Variants in ZNF804B observed in about 807,000 individuals in gnomAD.
The protein encoded by ZNF804B is zinc finger protein 804B, also known as zinc finger 804B.
Under a neutral mutation model 101.4 loss-of-function variants are expected in ZNF804B, and 80 were observed. The observed-to-expected ratio is 0.79, with a 90% CI of 0.66 to 0.95. The LOEUF (loss-of-function observed/expected upper bound fraction) is 0.95. Among genes scored for constraint, ZNF804B ranks in the 40% least tolerant of loss-of-function variants. The pLI is 0.00. For missense variants in ZNF804B, 1,673 were observed against 1,561.9 expected (o/e 1.07, Z -1.20); for synonymous variants, 622 against 558.8 (o/e 1.11, Z -1.59).
intron 1 of ZNF804B, among the ~76,000 whole-genome samples, chr7:89,030,607 C>CT (rs1160891089): frequency 2.0e-5 from 3 of 152,076 alleles, no homozygotes; most frequent in African/African-American, 7.2e-5. Flanking sequence ...AATATCTTAA[C>CT]TTTTTTTGGT....
chr7:88,806,118 A>G (rs1031333049), intron 1 of ZNF804B, among the ~76,000 whole-genome samples: 4 of 152,128 alleles, frequency 2.6e-5, no homozygotes, highest in African/African-American at 9.7e-5. Context: ...TAAATTTTAA[A>G]TTGGCTATAT....
intron 1 of ZNF804B, among the ~76,000 whole-genome samples, chr7:88,964,411 A>G (rs967666689): frequency 6.6e-6 from 1 of 151,538 alleles, no homozygotes; most frequent in Non-Finnish European, 1.5e-5. Context: ...CGCTAAGTGA[A>G]GTAAGCTGCA....
intron 1 of ZNF804B, among the ~76,000 whole-genome samples, chr7:89,104,943 A>T (rs1272860220): frequency 6.6e-6 from 1 of 152,166 alleles, no homozygotes; most frequent in African/African-American, 2.4e-5. Context: ...ACTGTGCAGC[A>T]TAAAAAACTA....
At chr7:89,116,315 G>A (rs1234439931) in intron 1 of ZNF804B, among the ~76,000 whole-genome samples, 2 of 152,086 alleles carry the variant, frequency 1.3e-5, no homozygotes, top group Admixed American at 1.3e-4. Context: ...TTTAAGACAG[G>A]TATGGCTATT....
chr7:89,101,747 G>A (rs1790058560), intron 1 of ZNF804B, among the ~76,000 whole-genome samples: 1 of 151,966 alleles, frequency 6.6e-6, no homozygotes, highest in African/African-American at 2.4e-5. Context: ...ACAAGTGCTT[G>A]TTTATACATG....
At chr7:89,089,057 CTT>C (rs543879583) in intron 1 of ZNF804B, among the ~76,000 whole-genome samples, 1 of 128,106 alleles carries the variant, frequency 7.8e-6, no homozygotes. Flanking sequence ...CTTTTTTTTT[CTT>C]TTTTTTTTTT....
intron 1 of ZNF804B, among the ~76,000 whole-genome samples, chr7:89,059,874 G>C (rs576578000): frequency 2.1e-5 from 3 of 142,320 alleles, no homozygotes; most frequent in African/African-American, 5.3e-5. Context: ...GGGACATGCT[G>C]TCAGTGTTGG....
At chr7:89,243,581 T>G (rs1164098479) in intron 2 of ZNF804B, among the ~76,000 whole-genome samples, 4 of 151,842 alleles carry the variant, frequency 2.6e-5, no homozygotes, top group Non-Finnish European at 4.4e-5. Flanking sequence ...TAACCCTACC[T>G]AGTAGGAAAG....
Position 88,808,450 on chromosome 7 carries a change from A to G in ZNF804B, c.108+48366A>G, listed in dbSNP as rs1207620427. Reference sequence around the variant, plus strand: ...TTTTTTTAAGTAGGTCTTCTTTCCTAGGCATTGTCAGTAAGTATTATATTA... The same window carrying G: ...TTTTTTTAAGTAGGTCTTCTTTCCTGGGCATTGTCAGTAAGTATTATATTA... On this transcript the variant is annotated intron_variant, in intron 1 of 3. Transcript: ENST00000333190. Among the ~76,000 whole-genome samples the G allele has an allele frequency of 4.0e-5, 6 of 151,510 alleles. No homozygotes were observed. The East Asian group carries it at 9.7e-4, about 24-fold the overall frequency.
At chr7:88,878,506 A>T (rs907970247) in intron 1 of ZNF804B, among the ~76,000 whole-genome samples, 4 of 152,170 alleles carry the variant, frequency 2.6e-5, no homozygotes, top group African/African-American at 9.6e-5. Flanking sequence ...TGAGAATGGT[A>T]TAGGAATCAA....
chr7:88,891,728 T>C (rs868663211), intron 1 of ZNF804B, among the ~76,000 whole-genome samples: 7 of 152,188 alleles, frequency 4.6e-5, no homozygotes, highest in African/African-American at 1.4e-4. Context: ...TTTGTTTTGT[T>C]TTTTGAATTT....
chr7:88,963,048 C>A lies in ZNF804B; in HGVS notation c.108+202964C>A, dbSNP rs916744772. Reference sequence around the variant, plus strand: ...AAAGCAAGGAGGAGGGAAGGACATTCCCTTTTCATGGACTAGAAGACTTAA... The same window carrying A: ...AAAGCAAGGAGGAGGGAAGGACATTACCTTTTCATGGACTAGAAGACTTAA... On this transcript the variant is annotated intron_variant, in intron 1 of 3. Coordinates refer to ENST00000333190, the MANE Select transcript of ZNF804B (RefSeq NM_181646.5). Among the ~76,000 whole-genome samples the A allele has an allele frequency of 8.0e-5, 12 of 150,930 alleles. No individual in the cohort carries two copies. In the Admixed American group the frequency reaches 8.0e-4, roughly 10 times the overall value.
chr7:89,066,057 A>T (rs73391214), intron 1 of ZNF804B, among the ~76,000 whole-genome samples: 4,406 of 152,224 alleles, frequency 0.029, 227 homozygotes, highest in African/African-American at 0.1. Flanking sequence ...AAGACATTGC[A>T]TACACACTCA....
At chr7:88,801,445 T>C (rs1562797743) in intron 1 of ZNF804B, among the ~76,000 whole-genome samples, 1 of 152,142 alleles carries the variant, frequency 6.6e-6, no homozygotes, top group Non-Finnish European at 1.5e-5. Context: ...GAAGTTGCCC[T>C]GAAGTGCAGA....
chr7:88,833,395 C>T (rs2115788175), intron 1 of ZNF804B, among the ~76,000 whole-genome samples: 1 of 151,946 alleles, frequency 6.6e-6, no homozygotes, highest in South Asian at 2.1e-4. Context: ...TCTTGTAAGG[C>T]AGTAGTGAGG....
rs1791067181 is a variant in ZNF804B, at chr7:89,335,604, T to C, written c.2622T>C (p.Ser874=). The C allele has an allele frequency of 6.2e-7, 1 of 1,613,960 alleles. No homozygotes were observed. Among genetic ancestry groups the C allele is most frequent in the Non-Finnish European group, 8.5e-7 (1 of 1,179,966 alleles). Reference sequence around the variant, plus strand: ...ATAAAAGCAAGAGAAATCAAGAGTCTTTGGGCAGCCCTCACATTTGTGATC... The same window carrying C: ...ATAAAAGCAAGAGAAATCAAGAGTCCTTGGGCAGCCCTCACATTTGTGATC... ...YLNKSKRNQE[S]LGSPHICDLG... Residue 874 remains serine (S), a synonymous_variant, in exon 4 of 4, where the codon TCT becomes TCC. Transcript: ENST00000333190.
intron 1 of ZNF804B, among the ~76,000 whole-genome samples, chr7:88,800,287 G>GAA (rs558224190): frequency 1.3e-5 from 2 of 149,652 alleles, no homozygotes; most frequent in African/African-American, 4.9e-5. Flanking sequence ...CCCCCTCCAA[G>GAA]AAAAAAAAAC....
At chr7:89,328,563 A>G (rs541680185) in intron 3 of ZNF804B, among the ~76,000 whole-genome samples, 1 of 151,830 alleles carries the variant, frequency 6.6e-6, no homozygotes, top group Non-Finnish European at 1.5e-5. Flanking sequence ...CAGCCAACAC[A>G]ATGAGGGACT....
intron 2 of ZNF804B, among the ~76,000 whole-genome samples, chr7:89,276,086 T>A (rs1290225978): frequency 2.6e-5 from 4 of 151,792 alleles, no homozygotes; most frequent in African/African-American, 9.7e-5. Flanking sequence ...CCAAACACCA[T>A]ATATTTTCAT....
Sources: allele counts gnomAD v4.1 joint callset (sites outside exome capture counted in the v4.1 genomes callset), GRCh38; gene constraint gnomAD v4.1.1; transcripts MANE v1.5; gene names NCBI Gene and HGNC (gene_info 2026-07-23, HGNC 2026-07-21).